Variants in COBL observed in about 807,000 individuals in gnomAD.
COBL encodes the protein cordon-bleu WH2 repeat protein.
In COBL, 51 loss-of-function variants were observed where a neutral mutation model predicts 98.8. The observed-to-expected ratio is 0.52, with a 90% confidence interval of 0.41 to 0.65. COBL has a LOEUF of 0.65. COBL is among the 30% of genes least tolerant of loss of function. The probability of loss-of-function intolerance (pLI) is 0.00; values close to 1 mark genes in which losing one functional copy is unlikely to be tolerated. For synonymous variants in COBL, 634 were observed against 651.7 expected, an observed-to-expected ratio of 0.97 and a Z score of 0.41; for missense variants, 1,617 against 1,617.5, an observed-to-expected ratio of 1.00 and a Z score of 0.01.
At chr7:51,111,897 C>T (rs898786357) in intron 6 of COBL, among the ~76,000 whole-genome samples, 2 of 152,252 alleles carry the variant, frequency 1.3e-5, no homozygotes, top group Middle Eastern at 3.4e-3. Flanking sequence ...GTACATAATG[C>T]GATTTATTTA....
chr7:51,017,336 C>T lies in COBL; in HGVS notation c.*215G>A. The T allele has an allele frequency of 1.7e-6, 1 of 606,010 alleles. No homozygotes were observed. The allele number at this position is 606,010 out of a possible 1,614,324, so 37.5% of individuals were successfully genotyped here. A position where few individuals can be genotyped will look rare whatever the true frequency, so the allele number is the denominator to read the frequency against. On this transcript the variant is annotated 3_prime_UTR_variant, in exon 13 of 13. Coordinates refer to ENST00000265136, the MANE Select transcript of COBL (RefSeq NM_015198.5). ...ACTTAAGATATTCAGAGGCAAAACA[C>T]ATTTCCTTGGCACACGAGCTGCGCA...
chr7:51,117,414 A>C (rs1797373818), intron 6 of COBL, among the ~76,000 whole-genome samples: 1 of 151,924 alleles, frequency 6.6e-6, no homozygotes. Flanking sequence ...CTTCTTCTTG[A>C]AACTGGATAT....
intron 1 of COBL, among the ~76,000 whole-genome samples, chr7:51,232,671 C>T (rs533237586): frequency 7.1e-4 from 108 of 152,120 alleles, no homozygotes; most frequent in African/African-American, 2.5e-3. Flanking sequence ...ATCAGCTGGG[C>T]GTGGTGGCGG....
At chr7:51,230,497 C>G (rs749687782) in intron 1 of COBL, among the ~76,000 whole-genome samples, 5 of 152,078 alleles carry the variant, frequency 3.3e-5, no homozygotes, top group African/African-American at 1.2e-4. Context: ...GGGATTCTAT[C>G]TGACTTCCTG....
chr7:51,155,325 C>T (rs7779032), intron 5 of COBL, among the ~76,000 whole-genome samples: 1 of 152,106 alleles, frequency 6.6e-6, no homozygotes, highest in Non-Finnish European at 1.5e-5. Context: ...AGCAGTGGCT[C>T]ACACCTGTAA....
intron 1 of COBL, among the ~76,000 whole-genome samples, chr7:51,231,855 C>A (rs895789992): frequency 6.6e-6 from 1 of 152,200 alleles, no homozygotes; most frequent in Non-Finnish European, 1.5e-5. Flanking sequence ...GGTATGCTGA[C>A]CACCAGCAAA....
At chr7:51,045,588 G>A (rs1297672236) in intron 7 of COBL, among the ~76,000 whole-genome samples, 1 of 152,192 alleles carries the variant, frequency 6.6e-6, no homozygotes, top group Non-Finnish European at 1.5e-5. Flanking sequence ...TATCGCTGAG[G>A]CGCAAAGTGA....
At chr7:51,136,385 C>G (rs556089322) in intron 5 of COBL, 54 bp from the exon 6 acceptor site, 5 of 1,522,772 alleles carry the variant, frequency 3.3e-6, no homozygotes, top group Non-Finnish European at 4.4e-6. Context: ...GACTTCTCCC[C>G]GTATGAATGC....
rs1014802689 is a variant in COBL, at chr7:51,075,155, T to C, written c.1096+10011A>G. Among the ~76,000 whole-genome samples, 12 of 152,380 alleles carry C rather than the reference T, an allele frequency of 7.9e-5. No individual in the cohort carries two copies. The East Asian group carries it at 1.2e-3, about 15-fold the overall frequency. ...GGTTTTTGGAAAATGGATGTACAAC[T>C]CAATTTTTTCTGCTATTCACAATGT... On this transcript the variant is annotated intron_variant, in intron 7 of 12. Coordinates refer to ENST00000265136, the MANE Select transcript of COBL (RefSeq NM_015198.5).
Position 51,147,331 on chromosome 7 carries a change from A to C in COBL, c.784-11000T>G, listed in dbSNP as rs904419742. Among the ~76,000 whole-genome samples, 4 of 152,200 alleles carry C rather than the reference A, an allele frequency of 2.6e-5. No homozygotes were observed. The East Asian group carries it at 7.7e-4, about 29-fold the overall frequency. ...TGCTTGTTACTTGGTGCTGTAAAGA[A>C]ATAGCACTTGAACATAAATTTAATT... On this transcript the variant is annotated intron_variant, in intron 5 of 12. Coordinates refer to ENST00000265136, the MANE Select transcript of COBL (RefSeq NM_015198.5).
chr7:51,026,960 CCTGT>C (rs1301225365), intron 10 of COBL, among the ~76,000 whole-genome samples: 5 of 152,102 alleles, frequency 3.3e-5, no homozygotes, highest in African/African-American at 9.7e-5. Context: ...AGTTTTACAC[CCTGT>C]CTATGAGAAG....
At chr7:51,172,620 G>A in intron 5 of COBL, 1 of 933,844 alleles carries the variant, frequency 1.1e-6, no homozygotes, top group Non-Finnish European at 1.4e-6. Flanking sequence ...AAAAATGCCA[G>A]TGTGGCCACA....
chr7:51,277,775 T>C (rs950676636), intron 1 of COBL, among the ~76,000 whole-genome samples: 1 of 152,030 alleles, frequency 6.6e-6, no homozygotes, highest in Non-Finnish European at 1.5e-5. Context: ...CGGCAGGGCA[T>C]TGTGAGAGCA....
chr7:51,289,940 G>A (rs1800730021), intron 1 of COBL, among the ~76,000 whole-genome samples: 1 of 152,162 alleles, frequency 6.6e-6, no homozygotes, highest in Non-Finnish European at 1.5e-5. Context: ...TCTTTGGCCT[G>A]GTTTCCTGTG....
intron 5 of COBL, among the ~76,000 whole-genome samples, chr7:51,165,576 A>C (rs983835078): frequency 6.6e-6 from 1 of 151,992 alleles, no homozygotes; most frequent in Admixed American, 6.6e-5. Context: ...AAAAGCAACA[A>C]AGAAACATCA....
chr7:51,233,338 C>T (rs1017121721), intron 1 of COBL, among the ~76,000 whole-genome samples: 4 of 152,092 alleles, frequency 2.6e-5, no homozygotes, highest in African/African-American at 9.7e-5. Context: ...AGAACAGAAA[C>T]GCCAGACCTA....
intron 1 of COBL, among the ~76,000 whole-genome samples, chr7:51,241,344 C>T (rs1228511684): frequency 6.6e-6 from 1 of 152,122 alleles, no homozygotes. Flanking sequence ...TTATTCATGA[C>T]AACAATTCAG....
At chr7:51,252,449 G>A (rs1190794292) in intron 1 of COBL, among the ~76,000 whole-genome samples, 1 of 152,118 alleles carries the variant, frequency 6.6e-6, no homozygotes, top group African/African-American at 2.4e-5. Flanking sequence ...GGATTTGCCT[G>A]TTCTGGACAT....
chr7:51,140,301 T>G (rs1181382980), intron 5 of COBL, among the ~76,000 whole-genome samples: 1 of 152,014 alleles, frequency 6.6e-6, no homozygotes, highest in Admixed American at 6.5e-5. Flanking sequence ...AATGCAAAAC[T>G]CTCTGTGTCC....
Sources: gnomAD v4.1 joint callset for allele counts (sites outside exome capture counted in the v4.1 genomes callset) on GRCh38, gnomAD v4.1.1 for gene constraint, MANE v1.5 for transcripts, NCBI Gene and HGNC (gene_info 2026-07-23, HGNC 2026-07-21) for gene names.